Variants in STK17B observed in about 807,000 individuals in gnomAD.
STK17B encodes the protein serine/threonine-protein kinase 17B.
STK17B carries 21 observed loss-of-function variants against 42.0 expected under a neutral mutation model. That is an observed-to-expected ratio of 0.50 (90% CI 0.35 to 0.72). The LOEUF is 0.72. Ranked by LOEUF, STK17B falls within the 30% of genes least tolerant of loss-of-function variation. The pLI, the probability that STK17B is intolerant of heterozygous loss-of-function variation, is 0.00. For missense variants in STK17B, 349 were observed against 446.0 expected, an observed-to-expected ratio of 0.78 and a Z score of 1.96; for synonymous variants, 143 against 148.4, an observed-to-expected ratio of 0.96 and a Z score of 0.26.
chr2:196,169,481 T>C (rs1355309258), intron 1 of STK17B, among the ~76,000 whole-genome samples: 3 of 152,224 alleles, frequency 2.0e-5, no homozygotes, highest in Non-Finnish European at 4.4e-5. Flanking sequence ...CTGAATTCCT[T>C]GACTTCTTGT....
At chr2:196,167,787 C>T (rs1413354063) in intron 1 of STK17B, among the ~76,000 whole-genome samples, 1 of 152,178 alleles carries the variant, frequency 6.6e-6, no homozygotes, top group African/African-American at 2.4e-5. Context: ...CAAGATTTAT[C>T]ACTGATAAGT....
At chr2:196,174,075 T>C (rs1180317248), upstream of STK17B, among the ~76,000 whole-genome samples, 3 of 152,220 alleles carry the variant, frequency 2.0e-5, no homozygotes, top group African/African-American at 7.2e-5. Flanking sequence ...CAAGACCTGC[T>C]GATATCTTGA....
chr2:196,148,219 C>G (rs1388881884), intron 3 of STK17B, among the ~76,000 whole-genome samples: 1 of 152,178 alleles, frequency 6.6e-6, no homozygotes, highest in African/African-American at 2.4e-5. Context: ...AATATACACA[C>G]TGCCTAGCGG....
chr2:196,169,221 G>A (rs564654945), intron 1 of STK17B, among the ~76,000 whole-genome samples: 1 of 151,862 alleles, frequency 6.6e-6, no homozygotes, highest in East Asian at 1.9e-4. Flanking sequence ...GACTACAGGC[G>A]CGCGCCACAA....
chr2:196,153,255 C>A (rs200092104), intron 3 of STK17B: 203 of 108,544 alleles, frequency 1.9e-3, no homozygotes, highest in Middle Eastern at 5.0e-3. Flanking sequence ...AAACAATGTC[C>A]AAAAAAAAAA....
intron 2 of STK17B, among the ~76,000 whole-genome samples, 181 bp downstream of exon 2, chr2:196,163,081 A>C (rs1575185649): frequency 6.6e-6 from 1 of 151,924 alleles, no homozygotes; most frequent in African/African-American, 2.4e-5. Flanking sequence ...AGTTCACTAA[A>C]CCCTCCACAG....
At chr2:196,161,909 G>C (rs1208311177) in intron 2 of STK17B, among the ~76,000 whole-genome samples, 2 of 151,864 alleles carry the variant, frequency 1.3e-5, no homozygotes, top group Admixed American at 1.3e-4. Context: ...AAGGTAAAAG[G>C]CCACCAAGAA....
At chr2:196,165,143 T>TA (rs1378228878) in intron 1 of STK17B, among the ~76,000 whole-genome samples, 6 of 152,120 alleles carry the variant, frequency 3.9e-5, no homozygotes. Flanking sequence ...ACAGGGCCTT[T>TA]AAAAAGGTGA....
chr2:196,140,631 C>A (rs1458398908), intron 6 of STK17B, among the ~76,000 whole-genome samples: 4 of 117,638 alleles, frequency 3.4e-5, no homozygotes, highest in Non-Finnish European at 6.5e-5. Context: ...ATAGCATGAT[C>A]TTGGCTCACT....
chr2:196,138,243 T>C (rs1049853642), intron 7 of STK17B, among the ~76,000 whole-genome samples: 9 of 152,140 alleles, frequency 5.9e-5, no homozygotes, highest in Admixed American at 2.6e-4. Context: ...CACATACACA[T>C]ACACAGCTTC....
At chr2:196,159,311 GT>G (rs71009085) in intron 2 of STK17B, among the ~76,000 whole-genome samples, 61,043 of 130,446 alleles carry the variant, frequency 0.47, 13,459 homozygotes, top group East Asian at 0.77. Context: ...CCAAGAGGTT[GT>G]TTTTTTTTTT....
chr2:196,168,660 GT>G (rs143130444), intron 1 of STK17B, among the ~76,000 whole-genome samples: 18,685 of 152,090 alleles, frequency 0.12, 1,225 homozygotes, highest in African/African-American at 0.16. Context: ...TAATATATAT[GT>G]TTTAAATGGC....
chr2:196,143,745 G>T, intron 4 of STK17B, 59 bp from the exon 5 acceptor site: 5 of 1,357,310 alleles, frequency 3.7e-6, no homozygotes, highest in Non-Finnish European at 4.9e-6. Context: ...ACTAGTCTCA[G>T]ATGGAAAGTA....
intron 3 of STK17B, chr2:196,153,048 T>C (rs1699687781): frequency 6.6e-6 from 1 of 152,022 alleles, no homozygotes; most frequent in Non-Finnish European, 1.5e-5. Flanking sequence ...GCCTCCCAAA[T>C]TGCTAGGATT....
intron 6 of STK17B, 41 bp from the exon 7 acceptor site, chr2:196,139,840 T>A (rs752746717): frequency 7.7e-7 from 1 of 1,300,884 alleles, no homozygotes. Context: ...TATGTTAATT[T>A]TTAAACATTT....
chr2:196,154,721 C>T (rs1050553076), intron 3 of STK17B: 3 of 152,202 alleles, frequency 2.0e-5, no homozygotes, highest in Non-Finnish European at 4.4e-5. Context: ...TTATGCCACA[C>T]TACTAAAACA....
intron 7 of STK17B, among the ~76,000 whole-genome samples, chr2:196,138,608 C>A (rs1319103230): frequency 6.6e-6 from 1 of 151,476 alleles, no homozygotes; most frequent in African/African-American, 2.4e-5. Flanking sequence ...TGTAGTCTCA[C>A]TCTGTCACCC....
intron 4 of STK17B, among the ~76,000 whole-genome samples, chr2:196,144,907 T>TA: frequency 6.6e-6 from 1 of 151,866 alleles, no homozygotes; most frequent in East Asian, 1.9e-4. Flanking sequence ...GGAGAAAAGG[T>TA]AAAGGTAATT....
At chr2:196,141,947 G>T (rs940774983) in intron 5 of STK17B, among the ~76,000 whole-genome samples, 47 of 152,012 alleles carry the variant, frequency 3.1e-4, no homozygotes, top group African/African-American at 1.1e-3. Context: ...TATTACTTTA[G>T]AATTAATTTG....
Sources: allele counts gnomAD v4.1 joint callset (sites outside exome capture counted in the v4.1 genomes callset), GRCh38; gene constraint gnomAD v4.1.1; transcripts MANE v1.5; gene names NCBI Gene and HGNC (gene_info 2026-07-23, HGNC 2026-07-21).